Variants in POLR2E observed in about 807,000 individuals in gnomAD.
POLR2E encodes RNA polymerase II, I and III subunit E.
A neutral mutation model predicts 29.8 loss-of-function variants in POLR2E; 35 were observed. The ratio of observed to expected loss-of-function variants is 1.17; its 90% CI spans 0.90 to 1.55. The LOEUF (loss-of-function observed/expected upper bound fraction) is 1.55, where lower values mean the gene tolerates loss of function less well. Among genes scored for constraint, POLR2E ranks in the 40% most tolerant of loss-of-function variants. The pLI, the probability that POLR2E is intolerant of heterozygous loss-of-function variation, is 0.00. For synonymous variants in POLR2E, 174 were observed against 112.6 expected, an observed-to-expected ratio of 1.55 and a Z score of -3.45; for missense variants, 287 against 288.6, an observed-to-expected ratio of 0.99 and a Z score of 0.04.
intron 6 of POLR2E, 58 bp downstream of exon 6, chr19:1,089,826 C>A: frequency 1.4e-6 from 2 of 1,389,506 alleles, no homozygotes; most frequent in Non-Finnish European, 1.0e-6. Context: ...CAGAAGCCCC[C>A]TTCTCCGAGT....
Position 1,088,376 on chromosome 19 carries a change from A to C in POLR2E, c.*359T>G, listed in dbSNP as rs1386008455. The stretch of plus-strand genomic sequence containing the variant: ...AGGGAAGACGAGGGGTGGAAGGCCG[A>C]GGGCCCAGGAGGAAGCAGTGGCTGG... On this transcript the variant is annotated 3_prime_UTR_variant, in exon 8 of 8. Coordinates refer to ENST00000615234, the MANE Select transcript of POLR2E (RefSeq NM_002695.5). The C allele has an allele frequency of 6.6e-6, 1 of 152,360 alleles. No individual in the cohort carries two copies. Among genetic ancestry groups the C allele is most frequent in the Admixed American group, 6.5e-5 (1 of 15,278 alleles). The allele number at this position is 152,360 out of a possible 1,614,324, so 9.4% of individuals were successfully genotyped here. A position where few individuals can be genotyped will look rare whatever the true frequency, so the allele number is the denominator to read the frequency against.
intron 4 of POLR2E, among the ~76,000 whole-genome samples, chr19:1,090,408 C>T (rs1380008994): frequency 6.6e-6 from 1 of 151,710 alleles, no homozygotes; most frequent in Non-Finnish European, 1.5e-5. Context: ...TAGGGTCCCT[C>T]CACACTCCCA....
At chr19:1,089,797 A>G in intron 6 of POLR2E, 87 bp downstream of exon 6, 11 of 1,077,714 alleles carry the variant, frequency 1.0e-5, no homozygotes, top group South Asian at 2.8e-5. Context: ...ATCAAGGGGG[A>G]GGGGCTGTCG....
In POLR2E at chr19:1,091,788, C is replaced by T. The variant is rs2088007340; in HGVS notation, c.348+4G>A. ...GGCTGGCGGGGTGGGGCAGGGGTGC[C>T]CACCTGCTTGGCGGAGGGTGTCATG... is the stretch of plus-strand genomic sequence containing the variant. On this transcript the variant is annotated splice_donor_region_variant and intron_variant, in intron 3 of 7. Coordinates refer to ENST00000615234, the MANE Select transcript of POLR2E (RefSeq NM_002695.5). 1 of 1,587,198 alleles carries T rather than the reference C, an allele frequency of 6.3e-7. No homozygotes were observed. Among genetic ancestry groups the T allele is most frequent in the Admixed American group, 1.7e-5 (1 of 59,974 alleles).
At chr19:1,092,211 G>A in intron 2 of POLR2E, 1 of 329,730 alleles carries the variant, frequency 3.0e-6, no homozygotes, top group South Asian at 3.2e-5. Flanking sequence ...CAGTTCTGGG[G>A]AGGCGGGTGA....
chr19:1,089,386 A>C, intron 7 of POLR2E, 86 bp downstream of exon 7: 1 of 895,830 alleles, frequency 1.1e-6, no homozygotes, highest in East Asian at 2.7e-5. Flanking sequence ...CTGCCGGACA[A>C]AGCAAGAACA....
chr19:1,089,324 G>A (rs1242491358), intron 7 of POLR2E, 148 bp downstream of exon 7: 4 of 601,560 alleles, frequency 6.6e-6, no homozygotes. Context: ...GGGTCTGGGG[G>A]TGTCCTGGGA....
At chr19:1,091,522 G>A (rs1029471012) in intron 3 of POLR2E, 46 of 503,226 alleles carry the variant, frequency 9.1e-5, no homozygotes, top group South Asian at 8.1e-4. Flanking sequence ...GCCGAGGGCT[G>A]GAGCCCACAG....
rs771314610 is a variant in POLR2E at position 1,090,159 on chromosome 19, A to C, written c.430-14T>G. 5.6e-6 allele frequency: 9 copies of C among 1,611,860 alleles called. No individual in the cohort carries two copies. Among genetic ancestry groups the C allele is most frequent in the Non-Finnish European group, 7.6e-6 (9 of 1,179,560 alleles). ...CTCAGGGACTAGCTGCCGAGAGAGG[A>C]AGCCACCAGGCATCACCAAGGGCTG... On this transcript the variant is annotated splice_polypyrimidine_tract_variant and intron_variant, in intron 4 of 7. Transcript: ENST00000615234.
chr19:1,091,759 G>T, intron 3 of POLR2E, 33 bp downstream of exon 3: 1 of 1,379,848 alleles, frequency 7.2e-7, no homozygotes, highest in Non-Finnish European at 1.0e-6. Context: ...TGGGGAGGGG[G>T]AGAGGCTGGC....
chr19:1,089,201 C>T lies in POLR2E; in HGVS notation c.*14+271G>A, dbSNP rs563041148. Among the ~76,000 whole-genome samples, 11 of 152,370 alleles carry T rather than the reference C, an allele frequency of 7.2e-5. No individual in the cohort carries two copies. In the South Asian group the frequency reaches 2.1e-3, roughly 29 times the overall value. Reference sequence around the variant, plus strand: ...GCACAACTGCCCTGCAGGTGAACGTCTCCTGCTTCTAAGGTGGGTCAGCGG... The same window carrying T: ...GCACAACTGCCCTGCAGGTGAACGTTTCCTGCTTCTAAGGTGGGTCAGCGG... On this transcript the variant is annotated intron_variant, in intron 7 of 7. Coordinates refer to ENST00000615234, the MANE Select transcript of POLR2E (RefSeq NM_002695.5).
At chr19:1,095,031 C>A (rs2074444) in intron 1 of POLR2E, 1 of 496,946 alleles carries the variant, frequency 2.0e-6, no homozygotes. Context: ...CGCCCACCCA[C>A]CCCTAAGCAC....
rs1452432339 is a variant in POLR2E, at chr19:1,087,876, C to T, written c.*859G>A. The T allele has an allele frequency of 1.3e-5, 2 of 152,248 alleles. No homozygotes were observed. The highest frequency in any genetic ancestry group is 2.9e-5 in the Non-Finnish European group (2 of 68,046). The allele number at this position is 152,248 out of a possible 1,614,324, so 9.4% of individuals were successfully genotyped here. A position where few individuals can be genotyped will look rare whatever the true frequency, so the allele number is the denominator to read the frequency against. On this transcript the variant is annotated 3_prime_UTR_variant, in exon 8 of 8. Transcript: ENST00000615234. ...TTGGGCAGGCGAGGCCTTCTGAAATCAGACAGTAAGCAAACGGGGAAGTAG... is the reference window on the plus strand; with the variant it reads ...TTGGGCAGGCGAGGCCTTCTGAAATTAGACAGTAAGCAAACGGGGAAGTAG...
rs1480447418 is a variant in POLR2E at position 1,087,354 on chromosome 19, T to G, written c.*1381A>C. On this transcript the variant is annotated 3_prime_UTR_variant, in exon 8 of 8. Transcript: ENST00000615234. ...TTTTTGCAGTGATGGGATTTTGCCA[T>G]GTTGGTCAGGCTGGTCTCGAACTCC... 6.6e-6 allele frequency: 1 copy of G among 152,112 alleles called. No homozygotes were observed. The highest frequency in any genetic ancestry group is 2.4e-5 in the African/African-American group (1 of 41,400). 9.4% of individuals were successfully genotyped at this position (152,112 alleles called of 1,614,324 possible).
chr19:1,091,110 A>G, intron 3 of POLR2E, 122 bp from the exon 4 acceptor site: 1 of 749,936 alleles, frequency 1.3e-6, no homozygotes, highest in Non-Finnish European at 2.2e-6. Flanking sequence ...GTCGTGAATC[A>G]GAAAACCCCA....
At chr19:1,092,497 C>T (rs181768644) in intron 2 of POLR2E, among the ~76,000 whole-genome samples, 69 of 151,274 alleles carry the variant, frequency 4.6e-4, no homozygotes, top group African/African-American at 7.0e-4. Context: ...GTCAGGAGAT[C>T]GAGACCACCC....
intron 3 of POLR2E, chr19:1,091,388 T>C (rs115489164): frequency 5.6e-6 from 2 of 359,394 alleles, no homozygotes; most frequent in Admixed American, 4.2e-5. Flanking sequence ...GGCTCCAGAG[T>C]GTCCGACAGA....
chr19:1,091,943 GGGCCCTCGT>G (rs762463884), intron 2 of POLR2E, 36 bp from the exon 3 acceptor site: 2 of 1,466,772 alleles, frequency 1.4e-6, no homozygotes, highest in South Asian at 2.3e-5. Flanking sequence ...GCACGAGCCT[GGGCCCTCGT>G]GGCCCTCGCC....
chr19:1,091,676 G>A lies in POLR2E; in HGVS notation c.348+116C>T. ...CCGGACATCCCGGCCACATCCTCCA[G>A]GGCACCCTGGCTGGCCTGGCCCAAA... On this transcript the variant is annotated intron_variant, in intron 3 of 7. Coordinates refer to ENST00000615234, the MANE Select transcript of POLR2E (RefSeq NM_002695.5). 4.2e-6 allele frequency: 3 copies of A among 707,840 alleles called. No individual in the cohort carries two copies. In the South Asian group the frequency reaches 4.7e-5, roughly 11 times the overall value. 43.8% of individuals were successfully genotyped at this position (707,840 alleles called of 1,614,324 possible).
Sources: allele counts gnomAD v4.1 joint callset (sites outside exome capture counted in the v4.1 genomes callset), GRCh38; gene constraint gnomAD v4.1.1; transcripts MANE v1.5; gene names NCBI Gene and HGNC (gene_info 2026-07-23, HGNC 2026-07-21).